ACADSB: variants seen among roughly 807,000 people sequenced by gnomAD.
The protein encoded by ACADSB is acyl-CoA dehydrogenase short/branched chain.
A neutral mutation model predicts 54.1 loss-of-function variants in ACADSB; 40 were observed. The observed-to-expected ratio is 0.74, with a 90% CI of 0.57 to 0.96. The LOEUF (loss-of-function observed/expected upper bound fraction) is 0.96. Ranked by LOEUF, ACADSB falls within the 40% of genes least tolerant of loss-of-function variation. ACADSB has a pLI of 0.00. For synonymous variants in ACADSB, 182 were observed against 182.8 expected, an observed-to-expected ratio of 1.00 and a Z score of 0.03; for missense variants, 530 against 510.4, an observed-to-expected ratio of 1.04 and a Z score of -0.37.
intron 2 of ACADSB, among the ~76,000 whole-genome samples, chr10:123,035,029 A>C (rs1850380557): frequency 6.6e-6 from 1 of 151,376 alleles, no homozygotes; most frequent in African/African-American, 2.4e-5. Flanking sequence ...GGCTCACAGC[A>C]ACCTTTGCCT....
chr10:123,022,962 AAC>A (rs1470023517), intron 1 of ACADSB, among the ~76,000 whole-genome samples: 4 of 152,234 alleles, frequency 2.6e-5, no homozygotes, highest in African/African-American at 7.2e-5. Context: ...CTTCATTTTC[AAC>A]AGTTTATCTA....
intron 7 of ACADSB, among the ~76,000 whole-genome samples, 173 bp downstream of exon 7, chr10:123,044,658 G>T (rs1394863615): frequency 6.6e-6 from 1 of 152,178 alleles, no homozygotes; most frequent in African/African-American, 2.4e-5. Context: ...GGTCAATTAT[G>T]TAAGTGTCCA....
chr10:123,025,477 A>G (rs1850239379), intron 1 of ACADSB, among the ~76,000 whole-genome samples: 1 of 151,942 alleles, frequency 6.6e-6, no homozygotes, highest in African/African-American at 2.4e-5. Context: ...AAATAAATAA[A>G]TAAATAAATA....
At chr10:123,041,826 A>C (rs1272270124) in intron 5 of ACADSB, among the ~76,000 whole-genome samples, 1 of 152,166 alleles carries the variant, frequency 6.6e-6, no homozygotes, top group African/African-American at 2.4e-5. Flanking sequence ...TATGTAAGGT[A>C]CTTGAGCACT....
Position 123,032,001 on chromosome 10 carries a change from A to G in ACADSB, c.43-2355A>G, listed in dbSNP as rs112203163. ...CTTTTCTTTTTCTTTTTTTTTTAAGATGGAGTCTCACTTTGTCGCCCAGGC... is the reference window on the plus strand; with the variant it reads ...CTTTTCTTTTTCTTTTTTTTTTAAGGTGGAGTCTCACTTTGTCGCCCAGGC... On this transcript the variant is annotated intron_variant, in intron 1 of 10. Coordinates refer to ENST00000358776, the MANE Select transcript of ACADSB (RefSeq NM_001609.4). Among the ~76,000 whole-genome samples, 467 of 151,566 alleles carry G rather than the reference A, an allele frequency of 3.1e-3. 3 individuals carry two copies. The highest frequency in any genetic ancestry group is 0.011 in the African/African-American group (440 of 41,294).
Position 123,051,307 on chromosome 10 carries a change from A to G in ACADSB, c.1128+121A>G. ...TGTACTTTGGTTGTTTTTCAAGTTA[A>G]GATAACATGGACTTTTATTTCTTAT... On this transcript the variant is annotated intron_variant, in intron 9 of 10. Transcript: ENST00000358776. The G allele has an allele frequency of 3.2e-6, 4 of 1,239,632 alleles. No homozygotes were observed. The South Asian group carries it at 6.6e-5, about 20-fold the overall frequency. 76.8% of individuals were successfully genotyped at this position (1,239,632 alleles called of 1,614,324 possible). A position where few individuals can be genotyped will look rare whatever the true frequency, so the allele number is the denominator to read the frequency against.
At chr10:123,023,779 C>G (rs1371035645) in intron 1 of ACADSB, among the ~76,000 whole-genome samples, 1 of 152,250 alleles carries the variant, frequency 6.6e-6, no homozygotes, top group African/African-American at 2.4e-5. Context: ...TTCCATCCCA[C>G]TTTCCCATTC....
chr10:123,045,239 T>G (rs2133486007), intron 7 of ACADSB, among the ~76,000 whole-genome samples: 1 of 131,276 alleles, frequency 7.6e-6, no homozygotes, highest in African/African-American at 2.9e-5. Context: ...AGTGCAGTGG[T>G]GCGATCTCGG....
Position 123,009,048 on chromosome 10 carries a change from C to A in ACADSB, c.19C>A (p.Arg7=). ...GGCGAGGATGGAGGGCCTGGCAGTG[C>A]GGTTGCTGCGCGGCAGCAGGCTGGT... MEGLAV[R]LLRGSRLLRR... is the part of the protein sequence containing the mutation. The change falls in exon 1 of 11, where the codon CGG becomes AGG. Residue 7 remains arginine, a synonymous_variant. Transcript: ENST00000358776. 6.5e-7 allele frequency: 1 copy of A among 1,547,732 alleles called. No individual in the cohort carries two copies. Among genetic ancestry groups the A allele is most frequent in the South Asian group, 1.2e-5 (1 of 84,028 alleles).
chr10:123,030,300 C>T (rs185265710), intron 1 of ACADSB, among the ~76,000 whole-genome samples: 21 of 152,144 alleles, frequency 1.4e-4, no homozygotes, highest in Admixed American at 9.8e-4. Context: ...CCGAGATGGG[C>T]GGATCACTTG....
At chr10:123,016,769 C>A (rs1190404946) in intron 1 of ACADSB, among the ~76,000 whole-genome samples, 1 of 152,128 alleles carries the variant, frequency 6.6e-6, no homozygotes, top group Non-Finnish European at 1.5e-5. Flanking sequence ...AGAGGAAATT[C>A]TGTGACATAT....
At chr10:123,034,894 A>G (rs1850376771) in intron 2 of ACADSB, among the ~76,000 whole-genome samples, 1 of 151,446 alleles carries the variant, frequency 6.6e-6, no homozygotes, top group South Asian at 2.1e-4. Flanking sequence ...TTAGAAGTAC[A>G]TTTATATTCC....
At chr10:123,046,763 G>A (rs1396972777) in intron 7 of ACADSB, among the ~76,000 whole-genome samples, 1 of 152,214 alleles carries the variant, frequency 6.6e-6, no homozygotes, top group Non-Finnish European at 1.5e-5. Flanking sequence ...AGACGGAAAG[G>A]TAGAAAGTTA....
chr10:123,043,547 G>A (rs780810671), intron 6 of ACADSB, among the ~76,000 whole-genome samples: 2 of 152,224 alleles, frequency 1.3e-5, no homozygotes, highest in Non-Finnish European at 2.9e-5. Flanking sequence ...TGCTCAGTGA[G>A]AGCGGAAACA....
At chr10:123,028,207 C>T (rs1347829753) in intron 1 of ACADSB, among the ~76,000 whole-genome samples, 2 of 151,970 alleles carry the variant, frequency 1.3e-5, no homozygotes, top group African/African-American at 4.8e-5. Flanking sequence ...CATTCTTTCT[C>T]AGACACTAAT....
At chr10:123,020,284 C>T (rs1850167071) in intron 1 of ACADSB, among the ~76,000 whole-genome samples, 1 of 152,190 alleles carries the variant, frequency 6.6e-6, no homozygotes, top group African/African-American at 2.4e-5. Context: ...GGGCCAAAAA[C>T]TCCCCAGGAG....
At chr10:123,011,855 GA>G (rs913161463) in intron 1 of ACADSB, among the ~76,000 whole-genome samples, 16 of 150,548 alleles carry the variant, frequency 1.1e-4, no homozygotes, top group African/African-American at 3.4e-4. Flanking sequence ...TTTAAGAGAT[GA>G]TTTTTTTTTT....
At chr10:123,053,600 T>C (rs1307980830) in intron 10 of ACADSB, 95 bp from the exon 11 acceptor site, 4 of 1,078,146 alleles carry the variant, frequency 3.7e-6, no homozygotes. Flanking sequence ...TAGTAACTGT[T>C]TTATAGCAAG....
intron 1 of ACADSB, among the ~76,000 whole-genome samples, chr10:123,030,800 T>C (rs1021159883): frequency 3.9e-5 from 6 of 152,144 alleles, no homozygotes; most frequent in African/African-American, 1.4e-4. Flanking sequence ...ACCAGAACAT[T>C]CCACAGTCAG....
Sources: gnomAD v4.1 joint callset for allele counts (sites outside exome capture counted in the v4.1 genomes callset) on GRCh38, gnomAD v4.1.1 for gene constraint, MANE v1.5 for transcripts, NCBI Gene and HGNC (gene_info 2026-07-23, HGNC 2026-07-21) for gene names.